Variants in BDP1 observed in about 807,000 individuals in gnomAD.
BDP1 encodes the protein transcription factor TFIIIB component B'' homolog.
BDP1 carries 169 observed loss-of-function variants against 266.6 expected under a neutral mutation model. The ratio of observed to expected loss-of-function variants is 0.63; its 90% CI spans 0.56 to 0.72. The LOEUF (loss-of-function observed/expected upper bound fraction) is 0.72. BDP1 is among the 30% of genes least tolerant of loss of function. BDP1 has a pLI of 0.00. For synonymous variants in BDP1, 1,090 were observed against 1,022.4 expected (o/e 1.07, Z -1.26); for missense variants, 3,015 against 3,053.8 (o/e 0.99, Z 0.30).
chr5:71,548,741 A>C lies in BDP1; in HGVS notation c.6804A>C (p.Leu2268=). Residue 2268 remains leucine, a synonymous_variant, in exon 33 of 39, where the codon CTA becomes CTC. Transcript: ENST00000358731. Reference sequence around the variant, plus strand: ...AGAATATAATCAATCCTCAAGACCTAACAGGTATGATAATATGCTTCAGTG... The same window carrying C: ...AGAATATAATCAATCCTCAAGACCTCACAGGTATGATAATATGCTTCAGTG... ...QQENIINPQD[L]TVNLVANVPQ... 1 of 1,593,124 alleles carries C rather than the reference A, an allele frequency of 6.3e-7. No homozygotes were observed. Among genetic ancestry groups the C allele is most frequent in the African/African-American group, 1.3e-5 (1 of 74,552 alleles).
intron 19 of BDP1, among the ~76,000 whole-genome samples, chr5:71,513,628 T>C (rs1214306706): frequency 1.3e-5 from 2 of 152,170 alleles, no homozygotes; most frequent in Non-Finnish European, 2.9e-5. Context: ...GGGAAAGCGT[T>C]CAGGTCTGGG....
Position 71,512,391 on chromosome 5 carries a change from C to T in BDP1, c.4210C>T (p.Pro1404Ser). The change falls in exon 18 of 39, where the codon CCA becomes TCA. Residue 1404 changes from proline (P) to serine (S), a missense_variant. This residue lies in a region of BDP1 where 2,383 missense variants were observed against 2,404.9 expected (regional missense o/e 0.99). Transcript: ENST00000358731. ...AACAGAAGTCCAGGGGATTCAATCTCCAGATGTTCCAGAGCAGTTTTCAGA... is the reference window on the plus strand; with the variant it reads ...AACAGAAGTCCAGGGGATTCAATCTTCAGATGTTCCAGAGCAGTTTTCAGA... ...DKTEVQGIQS[P>S]DVPEQFSDIN... 1.3e-6 allele frequency: 2 copies of T among 1,577,144 alleles called. No individual in the cohort carries two copies. Among genetic ancestry groups the T allele is most frequent in the Non-Finnish European group, 1.7e-6 (2 of 1,169,424 alleles).
In BDP1 at chr5:71,455,711, AGAG is replaced by A; in HGVS notation, c.-159_-157del. ...CATGAAAAAGCGGCGGCGGCGGGAGAGAGGAGGAGGCGGCGGCGGGGCAGTGAA... is the reference window on the plus strand; with the variant it reads ...CATGAAAAAGCGGCGGCGGCGGGAGAGAGGAGGCGGCGGCGGGGCAGTGAA... On this transcript the variant is annotated 5_prime_UTR_variant, in exon 1 of 39. Coordinates refer to ENST00000358731, the MANE Select transcript of BDP1 (RefSeq NM_018429.3). 1 of 623,084 alleles carries A rather than the reference AGAG, an allele frequency of 1.6e-6. No individual in the cohort carries two copies. 38.6% of individuals were successfully genotyped at this position (623,084 alleles called of 1,614,324 possible).
At chr5:71,534,538 C>T (rs1314223529) in intron 26 of BDP1, among the ~76,000 whole-genome samples, 6 of 151,804 alleles carry the variant, frequency 4.0e-5, no homozygotes, top group East Asian at 1.9e-4. Flanking sequence ...TCTCGTCTGT[C>T]GCCCAGGATG....
At chr5:71,459,315 C>T (rs1761397087) in intron 2 of BDP1, among the ~76,000 whole-genome samples, 1 of 152,112 alleles carries the variant, frequency 6.6e-6, no homozygotes, top group Admixed American at 6.5e-5. Context: ...AGTTCAAGAC[C>T]AGCCTGGCCA....
downstream of BDP1, among the ~76,000 whole-genome samples, chr5:71,571,396 C>T (rs1744259133): frequency 6.6e-6 from 1 of 152,212 alleles, no homozygotes; most frequent in Admixed American, 6.5e-5. Flanking sequence ...CAACCACCCG[C>T]CTCGGCCTCC....
chr5:71,489,440 C>G lies in BDP1; in HGVS notation c.1250C>G (p.Pro417Arg). The G allele has an allele frequency of 2.5e-6, 4 of 1,612,946 alleles. No homozygotes were observed. Among genetic ancestry groups the G allele is most frequent in the Non-Finnish European group, 3.4e-6 (4 of 1,179,666 alleles). Residue 417 changes from proline (P) to arginine (R), a missense_variant, in exon 10 of 39, where the codon CCA becomes CGA. Physicochemically the swap from Pro to Arg is moderately radical, Grantham distance 103. Coordinates refer to ENST00000358731, the MANE Select transcript of BDP1 (RefSeq NM_018429.3). ...KVACEGVNNDPDESMSSRISD... is the reference protein window; with the variant it reads ...KVACEGVNNDRDESMSSRISD... ...GCCTGTGAAGGAGTGAATAATGATC[C>G]AGATGAGTCTATGAGTTCTAGAATT... is the stretch of plus-strand genomic sequence containing the variant.
At chr5:71,546,263 T>G (rs1267978203) in intron 32 of BDP1, among the ~76,000 whole-genome samples, 3 of 152,158 alleles carry the variant, frequency 2.0e-5, no homozygotes, top group African/African-American at 7.2e-5. Context: ...TCACTTTGAT[T>G]CATTAATTGT....
At position 71,566,933 on chromosome 5, in the gene BDP1, C is replaced by T. The variant is rs1349576317; in HGVS notation, c.*2048C>T. 1 of 152,168 alleles carries T rather than the reference C, an allele frequency of 6.6e-6. No homozygotes were observed. Among genetic ancestry groups the T allele is most frequent in the Non-Finnish European group, 1.5e-5 (1 of 68,030 alleles). 9.4% of individuals were successfully genotyped at this position (152,168 alleles called of 1,614,324 possible). A position where few individuals can be genotyped will look rare whatever the true frequency, so the allele number is the denominator to read the frequency against. ...AATAGAAGAGAATTATGTCTCAGCACATATAACAGTAATGCTAATTTATTG... is the reference window on the plus strand; with the variant it reads ...AATAGAAGAGAATTATGTCTCAGCATATATAACAGTAATGCTAATTTATTG... On this transcript the variant is annotated 3_prime_UTR_variant, in exon 39 of 39. Transcript: ENST00000358731.
intron 11 of BDP1, among the ~76,000 whole-genome samples, chr5:71,491,710 G>C (rs1258588887): frequency 1.3e-5 from 2 of 150,368 alleles, no homozygotes; most frequent in Non-Finnish European, 2.9e-5. Context: ...TTCTTTCTTT[G>C]TTTTGTTTTG....
chr5:71,491,055 C>T lies in BDP1; in HGVS notation c.1564C>T (p.Gln522Ter). The T allele has an allele frequency of 6.2e-7, 1 of 1,613,986 alleles. No homozygotes were observed. Among genetic ancestry groups the T allele is most frequent in the Non-Finnish European group, 8.5e-7 (1 of 1,179,936 alleles). The change falls in exon 11 of 39, where the codon CAA becomes TAA. Residue 522 changes from glutamine (Q) to a stop codon, truncating the protein, a stop_gained. Coordinates refer to ENST00000358731, the MANE Select transcript of BDP1 (RefSeq NM_018429.3). LOFTEE classifies it high-confidence loss of function. ...TAAGGAGCAGATGCTTTCCTGCACA[C>T]AAAACATAGATGGCATTGTGGGTTT... ...CSKEQMLSCT[Q>*]NIDGIVGFAS...
chr5:71,503,234 G>T (rs967821885), intron 15 of BDP1, among the ~76,000 whole-genome samples: 1 of 152,042 alleles, frequency 6.6e-6, no homozygotes, highest in Non-Finnish European at 1.5e-5. Flanking sequence ...TGATCCACCC[G>T]CCTTGGCCTC....
chr5:71,514,374 A>G (rs1392823635), intron 19 of BDP1, among the ~76,000 whole-genome samples: 1 of 152,216 alleles, frequency 6.6e-6, no homozygotes, highest in Non-Finnish European at 1.5e-5. Context: ...TTGGAAAAAT[A>G]TATGTATTCT....
Position 71,474,019 on chromosome 5 carries a change from C to T in BDP1, c.1014+3530C>T, listed in dbSNP as rs560824941. ...TTTTTGACACAGAGTCTTGCTCTGT[C>T]GCCCAGGCTGGAGTGCAGTGGCGGA... is the stretch of plus-strand genomic sequence containing the variant. On this transcript the variant is annotated intron_variant, in intron 7 of 38. Transcript: ENST00000358731. Among the ~76,000 whole-genome samples the T allele has an allele frequency of 1.4e-4, 22 of 152,018 alleles. 1 individual carries two copies. Among genetic ancestry groups the T allele is most frequent in the Middle Eastern group, 3.4e-3 (1 of 294 alleles).
chr5:71,542,792 ATAGT>A (rs1376412282), intron 30 of BDP1, among the ~76,000 whole-genome samples: 3 of 152,180 alleles, frequency 2.0e-5, no homozygotes, highest in Non-Finnish European at 4.4e-5. Context: ...TATTGATAAG[ATAGT>A]TAATTAACAC....
At position 71,489,549 on chromosome 5, in the gene BDP1, T is replaced by A; in HGVS notation, c.1359T>A (p.Val453=). Residue 453 remains valine, a synonymous_variant, in exon 10 of 39, where the codon GTT becomes GTA. Transcript: ENST00000358731. Reference sequence around the variant, plus strand: ...TATCAAGGGAGGATGCAGAGCAGGTTGCATTAGAAGTAGACCTAAATCAAA... The same window carrying A: ...TATCAAGGGAGGATGCAGAGCAGGTAGCATTAGAAGTAGACCTAAATCAAA... The part of the protein sequence containing the change: ...LTLSREDAEQ[V]ALEVDLNQKK... The A allele has an allele frequency of 6.2e-7, 1 of 1,614,112 alleles. No homozygotes were observed. The highest frequency in any genetic ancestry group is 2.2e-5 in the East Asian group (1 of 44,848).
chr5:71,499,784 G>C (rs887904706), intron 13 of BDP1, among the ~76,000 whole-genome samples: 6 of 151,820 alleles, frequency 4.0e-5, no homozygotes, highest in African/African-American at 1.5e-4. Flanking sequence ...ATTTTTGTTT[G>C]TTTTTTTAAC....
Position 71,455,952 on chromosome 5 carries a change from CA to C in BDP1, c.77del (p.Asn26IlefsTer126). 1 of 1,612,934 alleles carries C rather than the reference CA, an allele frequency of 6.2e-7. No homozygotes were observed. The highest frequency in any genetic ancestry group is 8.5e-7 in the Non-Finnish European group (1 of 1,179,738). On this transcript the variant is annotated frameshift_variant, in exon 1 of 39. Transcript: ENST00000358731. LOFTEE classifies it high-confidence loss of function. ...TAGGCGCCAGGGGCTCCACAGCTTC[CA>C]ATCCCCAGCGTGGACGGGAGTCTCC... is the stretch of plus-strand genomic sequence containing the variant. ...GVGARGSTAS[N>X]PQRGRESPRP...
intron 32 of BDP1, 110 bp downstream of exon 32, chr5:71,545,329 CTTT>C (rs1742204575): frequency 9.6e-7 from 1 of 1,036,980 alleles, no homozygotes; most frequent in Non-Finnish European, 1.4e-6. Flanking sequence ...CTTCATTTTT[CTTT>C]ATTTCTTCTT....
Sources: gnomAD v4.1 joint callset for allele counts (sites outside exome capture counted in the v4.1 genomes callset) on GRCh38, gnomAD v4.1.1 for gene constraint, gnomAD v4.1.1 regional missense constraint, MANE v1.5 for transcripts, NCBI Gene and HGNC (gene_info 2026-07-23, HGNC 2026-07-21) for gene names.